Variants in AGBL4 observed in about 807,000 individuals in gnomAD.
AGBL4 encodes AGBL carboxypeptidase 4, also known as cytosolic carboxypeptidase 6.
A neutral mutation model predicts 66.4 loss-of-function variants in AGBL4; 58 were observed. The ratio of observed to expected loss-of-function variants is 0.87; its 90% CI spans 0.71 to 1.09. The LOEUF (loss-of-function observed/expected upper bound fraction) is 1.09, where lower values mean the gene tolerates loss of function less well. AGBL4 is among the 50% of genes least tolerant of loss of function. The probability of loss-of-function intolerance (pLI) is 0.00; values close to 1 mark genes in which losing one functional copy is unlikely to be tolerated. For synonymous variants in AGBL4, 234 were observed against 222.9 expected (o/e 1.05, Z -0.44); for missense variants, 579 against 631.0 (o/e 0.92, Z 0.88).
At chr1:49,522,505 A>G (rs1169704508) in intron 3 of AGBL4, among the ~76,000 whole-genome samples, 1 of 152,142 alleles carries the variant, frequency 6.6e-6, no homozygotes, top group Non-Finnish European at 1.5e-5. Flanking sequence ...TTAGACTATA[A>G]GAACTGTAAT....
chr1:49,379,023 G>T (rs996173904), intron 3 of AGBL4, among the ~76,000 whole-genome samples: 5 of 152,018 alleles, frequency 3.3e-5, no homozygotes, highest in Non-Finnish European at 5.9e-5. Flanking sequence ...GAGGACTGAG[G>T]CCTCTGGATA....
intron 9 of AGBL4, among the ~76,000 whole-genome samples, chr1:48,613,999 G>A (rs928016799): frequency 6.6e-6 from 1 of 152,118 alleles, no homozygotes; most frequent in African/African-American, 2.4e-5. Context: ...AAATACATAA[G>A]AAATAATTAG....
At chr1:48,920,224 TC>T (rs1362762218) in intron 5 of AGBL4, among the ~76,000 whole-genome samples, 1 of 152,130 alleles carries the variant, frequency 6.6e-6, no homozygotes, top group East Asian at 1.9e-4. Context: ...ATTGGCCACA[TC>T]CCTTTCCCTA....
intron 3 of AGBL4, among the ~76,000 whole-genome samples, chr1:49,283,704 A>C (rs377433123): frequency 1.1e-4 from 17 of 151,042 alleles, no homozygotes; most frequent in African/African-American, 3.4e-4. Flanking sequence ...ACCAAGGCTC[A>C]AGAACTACGT....
chr1:49,844,408 A>C lies in AGBL4; in HGVS notation c.157+6988T>G, dbSNP rs1188833008. 2.0e-5 allele frequency among the ~76,000 whole-genome samples: 3 copies of C among 151,890 alleles called. No individual in the cohort carries two copies. The East Asian group carries it at 5.8e-4, about 29-fold the overall frequency. ...TGTGCTCCCCTCACAGACTCTACCC[A>C]TATTCCTTGTGCCAACTGTTTTTCC... On this transcript the variant is annotated intron_variant, in intron 2 of 13. Transcript: ENST00000371839.
At chr1:49,828,754 T>G (rs1042490757) in intron 2 of AGBL4, among the ~76,000 whole-genome samples, 1 of 151,958 alleles carries the variant, frequency 6.6e-6, no homozygotes, top group Non-Finnish European at 1.5e-5. Context: ...GAATAGATAA[T>G]GGGGGAGAAG....
rs574597974 is a variant in AGBL4 at position 49,531,073 on chromosome 1, A to G, written c.282+166240T>C. Among the ~76,000 whole-genome samples the G allele has an allele frequency of 3.9e-5, 6 of 152,240 alleles. No individual in the cohort carries two copies. In the South Asian group the frequency reaches 1.2e-3, roughly 32 times the overall value. ...CTATTCTTTCCCACAGTTTGCCTCT[A>G]AATTATATGTGGCTTAGTATTTTTA... On this transcript the variant is annotated intron_variant, in intron 3 of 13. Coordinates refer to ENST00000371839, the MANE Select transcript of AGBL4 (RefSeq NM_032785.4).
intron 6 of AGBL4, among the ~76,000 whole-genome samples, chr1:48,705,260 A>C (rs1485480606): frequency 1.3e-5 from 2 of 152,190 alleles, no homozygotes; most frequent in African/African-American, 4.8e-5. Context: ...AGAGCAAAAA[A>C]TGTATAAAAA....
intron 2 of AGBL4, among the ~76,000 whole-genome samples, chr1:49,846,985 A>T (rs1007296438): frequency 6.6e-6 from 1 of 152,348 alleles, no homozygotes; most frequent in Admixed American, 6.5e-5. Flanking sequence ...TTCTAAGCAA[A>T]AACAACAAAG....
intron 6 of AGBL4, among the ~76,000 whole-genome samples, chr1:48,805,054 A>G (rs1038983620): frequency 2.0e-5 from 3 of 152,118 alleles, no homozygotes; most frequent in African/African-American, 7.2e-5. Flanking sequence ...ATATCTATTC[A>G]TCTGTTCAGC....
intron 12 of AGBL4, among the ~76,000 whole-genome samples, chr1:48,537,816 G>C (rs528508688): frequency 6.6e-6 from 1 of 152,160 alleles, no homozygotes; most frequent in Non-Finnish European, 1.5e-5. Flanking sequence ...AGCTTTAAAC[G>C]TTTAAGAACT....
intron 6 of AGBL4, among the ~76,000 whole-genome samples, chr1:48,810,804 C>T (rs2148756781): frequency 6.6e-6 from 1 of 152,308 alleles, no homozygotes; most frequent in African/African-American, 2.4e-5. Context: ...CATGTTCTCT[C>T]ATCTGAGGCA....
At chr1:48,953,321 G>A (rs557750669) in intron 5 of AGBL4, among the ~76,000 whole-genome samples, 3 of 152,134 alleles carry the variant, frequency 2.0e-5, no homozygotes, top group African/African-American at 7.2e-5. Context: ...CTGGGCCACC[G>A]ATTCAACTTT....
chr1:49,266,559 A>C (rs1643923118), intron 3 of AGBL4, among the ~76,000 whole-genome samples: 1 of 152,078 alleles, frequency 6.6e-6, no homozygotes, highest in Non-Finnish European at 1.5e-5. Context: ...AGATTATATA[A>C]ATTAATAAGA....
At chr1:49,751,791 C>A (rs976037622) in intron 2 of AGBL4, among the ~76,000 whole-genome samples, 9 of 152,034 alleles carry the variant, frequency 5.9e-5, no homozygotes, top group Admixed American at 1.3e-4. Flanking sequence ...CAAATGATTC[C>A]TGGTTTAGTC....
chr1:49,048,337 G>C (rs1227148251), intron 4 of AGBL4: 4 of 152,132 alleles, frequency 2.6e-5, no homozygotes, highest in African/African-American at 9.7e-5. Context: ...CTGAGAGCCT[G>C]CTGTCTCCAC....
intron 1 of AGBL4, among the ~76,000 whole-genome samples, chr1:49,941,393 A>G (rs1654745738): frequency 1.3e-5 from 2 of 152,144 alleles, no homozygotes; most frequent in Non-Finnish European, 2.9e-5. Context: ...TATCATCATT[A>G]CCCTGACACC....
At chr1:49,362,449 CAAA>C (rs145467066) in intron 3 of AGBL4, among the ~76,000 whole-genome samples, 262 of 80,900 alleles carry the variant, frequency 3.2e-3, no homozygotes, top group Middle Eastern at 0.013. Context: ...GACCCTGTCT[CAAA>C]AAAAAAAAAA....
chr1:49,213,311 T>C (rs1029190576), intron 4 of AGBL4, among the ~76,000 whole-genome samples: 3 of 152,158 alleles, frequency 2.0e-5, no homozygotes, highest in Non-Finnish European at 2.9e-5. Context: ...TTTTGAAGTA[T>C]ATCTGACATA....
Sources: allele counts gnomAD v4.1 joint callset (sites outside exome capture counted in the v4.1 genomes callset), GRCh38; gene constraint gnomAD v4.1.1; transcripts MANE v1.5; gene names NCBI Gene and HGNC (gene_info 2026-07-23, HGNC 2026-07-21).